PTPRD: variants seen among roughly 807,000 people sequenced by gnomAD.
PTPRD encodes the protein protein tyrosine phosphatase receptor type D.
PTPRD carries 34 observed loss-of-function variants against 214.5 expected under a neutral mutation model. That is an observed-to-expected ratio of 0.16 (90% confidence interval 0.12 to 0.21). The LOEUF (loss-of-function observed/expected upper bound fraction) is 0.21. Ranked by LOEUF, PTPRD falls within the 10% of genes least tolerant of loss-of-function variation. The probability of loss-of-function intolerance (pLI) is 1.00; values close to 1 mark genes in which losing one functional copy is unlikely to be tolerated. For synonymous variants in PTPRD, 1,128 were observed against 845.7 expected, an observed-to-expected ratio of 1.33 and a Z score of -5.79; for missense variants, 2,545 against 2,398.7, an observed-to-expected ratio of 1.06 and a Z score of -1.27.
rs891963612 is a variant in PTPRD, at chr9:10,104,130, CAG to C, written c.-544-70342_-544-70341del. On this transcript the variant is annotated intron_variant, in intron 3 of 45. Coordinates refer to ENST00000381196, the MANE Select transcript of PTPRD (RefSeq NM_002839.4). ...CCCAGAGTAGTCAAAGTCATAGAGA[CAG>C]AAAGTGGAATGGTGGGTGCCAGGGG... Among the ~76,000 whole-genome samples, 45 of 151,604 alleles carry C rather than the reference CAG, an allele frequency of 3.0e-4. 1 individual carries two copies. The highest frequency in any genetic ancestry group is 2.6e-3 in the Admixed American group (40 of 15,160).
intron 11 of PTPRD, among the ~76,000 whole-genome samples, chr9:8,876,956 C>T (rs1360369685): frequency 6.7e-6 from 1 of 150,260 alleles, no homozygotes; most frequent in Non-Finnish European, 1.5e-5. Flanking sequence ...GAGAGGAAGT[C>T]TCTCTCTGTC....
chr9:9,378,358 G>T (rs115605030), intron 9 of PTPRD, among the ~76,000 whole-genome samples: 2,729 of 152,142 alleles, frequency 0.018, 88 homozygotes, highest in African/African-American at 0.062. Context: ...TAGCTTGACA[G>T]ATCATTTCTT....
chr9:9,248,400 A>G (rs559407690), intron 9 of PTPRD, among the ~76,000 whole-genome samples: 2 of 152,076 alleles, frequency 1.3e-5, no homozygotes, highest in Admixed American at 1.3e-4. Context: ...GGCCTCCCTA[A>G]GTGATTTTTA....
intron 10 of PTPRD, among the ~76,000 whole-genome samples, chr9:9,126,316 G>A (rs978436498): frequency 6.6e-6 from 1 of 152,180 alleles, no homozygotes; most frequent in African/African-American, 2.4e-5. Flanking sequence ...TTATCAATCA[G>A]AAAAGTTGCC....
chr9:8,981,288 T>C (rs2099311456), intron 11 of PTPRD, among the ~76,000 whole-genome samples: 2 of 152,194 alleles, frequency 1.3e-5, no homozygotes, highest in Non-Finnish European at 2.9e-5. Flanking sequence ...ATCATAATTA[T>C]TTTTAGGAAA....
intron 9 of PTPRD, among the ~76,000 whole-genome samples, chr9:9,255,628 G>C (rs1048487920): frequency 2.6e-5 from 4 of 152,012 alleles, no homozygotes; most frequent in African/African-American, 7.2e-5. Flanking sequence ...GATGTACAAA[G>C]AGATGCTAAG....
chr9:9,560,715 A>T (rs1189450634), intron 8 of PTPRD, among the ~76,000 whole-genome samples: 1 of 152,170 alleles, frequency 6.6e-6, no homozygotes, highest in Non-Finnish European at 1.5e-5. Context: ...GGCAGAAAGT[A>T]CACTCTGGGG....
intron 11 of PTPRD, among the ~76,000 whole-genome samples, chr9:8,932,183 T>C (rs1003327337): frequency 6.6e-6 from 1 of 152,176 alleles, no homozygotes; most frequent in Middle Eastern, 3.2e-3. Context: ...ATCTTAAGTG[T>C]TTCTTGCCTT....
intron 14 of PTPRD, among the ~76,000 whole-genome samples, chr9:8,614,012 C>T (rs1300981230): frequency 6.6e-6 from 1 of 150,908 alleles, no homozygotes; most frequent in African/African-American, 2.4e-5. Context: ...GTCTGGGAGG[C>T]TATTAGTGAG....
At chr9:8,327,607 C>A (rs1024586774) in intron 44 of PTPRD, among the ~76,000 whole-genome samples, 1 of 151,942 alleles carries the variant, frequency 6.6e-6, no homozygotes, top group African/African-American at 2.4e-5. Context: ...TGTTCTATCT[C>A]ATTGATCTGT....
intron 2 of PTPRD, among the ~76,000 whole-genome samples, chr9:10,382,176 T>C (rs1231587067): frequency 6.6e-6 from 1 of 151,942 alleles, no homozygotes. Flanking sequence ...CTGATCTTTC[T>C]AATACGTAAT....
chr9:8,926,352 A>C (rs2098892546), intron 11 of PTPRD, among the ~76,000 whole-genome samples: 1 of 152,140 alleles, frequency 6.6e-6, no homozygotes, highest in Non-Finnish European at 1.5e-5. Context: ...TAAAAATGAC[A>C]ATAGGAGTAA....
At chr9:9,090,579 A>T (rs1185974997) in intron 10 of PTPRD, among the ~76,000 whole-genome samples, 1 of 152,166 alleles carries the variant, frequency 6.6e-6, no homozygotes, top group Non-Finnish European at 1.5e-5. Context: ...TTCAGTGGCC[A>T]TTATTGCAAT....
At chr9:10,075,508 T>C (rs1441614373) in intron 3 of PTPRD, among the ~76,000 whole-genome samples, 1 of 151,962 alleles carries the variant, frequency 6.6e-6, no homozygotes, top group African/African-American at 2.4e-5. Flanking sequence ...ATAAATAATA[T>C]TTTATATTAA....
intron 3 of PTPRD, among the ~76,000 whole-genome samples, chr9:10,067,143 T>A (rs188091962): frequency 2.0e-5 from 3 of 152,054 alleles, no homozygotes; most frequent in Admixed American, 6.6e-5. Flanking sequence ...GTGCTTGGCA[T>A]TGTGAATCAT....
chr9:8,826,000 T>C (rs1034156916), intron 11 of PTPRD, among the ~76,000 whole-genome samples: 2 of 152,168 alleles, frequency 1.3e-5, no homozygotes, highest in Admixed American at 1.3e-4. Context: ...TCCTGTGACT[T>C]AGAATGCCTT....
At chr9:9,425,680 C>T (rs549224174) in intron 8 of PTPRD, among the ~76,000 whole-genome samples, 12 of 151,840 alleles carry the variant, frequency 7.9e-5, no homozygotes, top group African/African-American at 2.9e-4. Flanking sequence ...CTTGAAATTA[C>T]ATTTAACAAT....
At chr9:10,503,845 G>C (rs1350148656) in intron 2 of PTPRD, among the ~76,000 whole-genome samples, 2 of 151,716 alleles carry the variant, frequency 1.3e-5, no homozygotes, top group Non-Finnish European at 2.9e-5. Flanking sequence ...GGCTGGGCGC[G>C]GGGGCTCACA....
intron 11 of PTPRD, among the ~76,000 whole-genome samples, chr9:8,814,161 AT>A (rs34645244): frequency 0.52 from 79,170 of 151,454 alleles, 23,169 homozygotes; most frequent in Non-Finnish European, 0.66. Flanking sequence ...TTATGCAAGT[AT>A]TTTTTTTTTA....
Sources: gnomAD v4.1 joint callset for allele counts (sites outside exome capture counted in the v4.1 genomes callset) on GRCh38, gnomAD v4.1.1 for gene constraint, MANE v1.5 for transcripts, NCBI Gene and HGNC (gene_info 2026-07-23, HGNC 2026-07-21) for gene names.